SESN1: variants seen among roughly 807,000 people sequenced by gnomAD.
The protein encoded by SESN1 is sestrin-1.
A neutral mutation model predicts 59.3 loss-of-function variants in SESN1; 30 were observed. The ratio of observed to expected loss-of-function variants is 0.51; its 90% CI spans 0.38 to 0.69. The LOEUF is 0.69. Ranked by LOEUF, SESN1 falls within the 30% of genes least tolerant of loss-of-function variation. The probability of loss-of-function intolerance (pLI) is 0.00; values close to 1 mark genes in which losing one functional copy is unlikely to be tolerated. For missense variants in SESN1, 566 were observed against 673.0 expected, an observed-to-expected ratio of 0.84 and a Z score of 1.76; for synonymous variants, 197 against 219.9, an observed-to-expected ratio of 0.90 and a Z score of 0.92.
intron 6 of SESN1, chr6:108,993,160 C>A (rs954472562): frequency 1.7e-5 from 6 of 354,172 alleles, no homozygotes; most frequent in Non-Finnish European, 2.5e-5. Context: ...TTTCTCTCTC[C>A]TCCCATTCCA....
intron 1 of SESN1, among the ~76,000 whole-genome samples, chr6:109,017,987 C>T (rs1461403783): frequency 6.6e-6 from 1 of 152,032 alleles, no homozygotes; most frequent in East Asian, 1.9e-4. Context: ...GGCAACATGG[C>T]GAGAACCCTG....
chr6:109,040,368 G>A (rs1338186200), intron 1 of SESN1, among the ~76,000 whole-genome samples: 1 of 152,160 alleles, frequency 6.6e-6, no homozygotes, highest in African/African-American at 2.4e-5. Flanking sequence ...AATTACTGGG[G>A]TTGAAGAAGG....
At position 108,986,302 on chromosome 6, in the gene SESN1, T is replaced by TTGTA. The variant is rs1415341983; in HGVS notation, c.*1238_*1241dup. On this transcript the variant is annotated 3_prime_UTR_variant, in exon 10 of 10. Coordinates refer to ENST00000436639, the MANE Select transcript of SESN1 (RefSeq NM_014454.3). ...GATTCTAAAGAAAGTCCACTCCTCT[T>TTGTA]TGTATGTTTCAAAATGGCTTCAAGT... 1 of 152,490 alleles carries TTGTA rather than the reference T, an allele frequency of 6.6e-6. No homozygotes were observed. The highest frequency in any genetic ancestry group is 1.5e-5 in the Non-Finnish European group (1 of 68,034). The allele number at this position is 152,490 out of a possible 1,614,324, so 9.4% of individuals were successfully genotyped here.
At chr6:109,085,932 T>C (rs763803671) in intron 1 of SESN1, among the ~76,000 whole-genome samples, 3 of 152,226 alleles carry the variant, frequency 2.0e-5, no homozygotes, top group Non-Finnish European at 2.9e-5. Context: ...ATTTTTCTCA[T>C]GTCTATGGTT....
At chr6:109,004,362 T>C (rs915754075) in intron 1 of SESN1, among the ~76,000 whole-genome samples, 1 of 151,744 alleles carries the variant, frequency 6.6e-6, no homozygotes, top group Non-Finnish European at 1.5e-5. Flanking sequence ...CTAGGAATTA[T>C]ATTTGCCACT....
Position 109,094,127 on chromosome 6 carries a change from A to T in SESN1, c.-54T>A, listed in dbSNP as rs1222378730. ...GTTACCTTTCAGCATGCCCCAAAAA[A>T]ATTGCTTTGTATTTTTAAAATGAAA... On this transcript the variant is annotated 5_prime_UTR_variant, in exon 1 of 10. Coordinates refer to ENST00000436639, the MANE Select transcript of SESN1 (RefSeq NM_014454.3). 1.2e-5 allele frequency: 19 copies of T among 1,525,724 alleles called. No individual in the cohort carries two copies. Among genetic ancestry groups the T allele is most frequent in the Non-Finnish European group, 1.7e-5 (19 of 1,132,342 alleles). 94.5% of individuals were successfully genotyped at this position (1,525,724 alleles called of 1,614,324 possible).
intron 1 of SESN1, among the ~76,000 whole-genome samples, chr6:109,023,047 C>T (rs1166341212): frequency 2.0e-5 from 3 of 152,202 alleles, no homozygotes; most frequent in Admixed American, 6.5e-5. Flanking sequence ...TCACTCCACC[C>T]TCTGTGACCA....
At chr6:109,058,610 A>G (rs1780676376) in intron 1 of SESN1, among the ~76,000 whole-genome samples, 1 of 152,194 alleles carries the variant, frequency 6.6e-6, no homozygotes, top group African/African-American at 2.4e-5. Flanking sequence ...ACATTGTAAC[A>G]CGTAACAGAA....
At chr6:109,017,032 T>A (rs534379686) in intron 1 of SESN1, among the ~76,000 whole-genome samples, 1 of 152,156 alleles carries the variant, frequency 6.6e-6, no homozygotes, top group South Asian at 2.1e-4. Flanking sequence ...ATATATTTTA[T>A]ATTTTATATG....
chr6:108,987,549 T>G lies in SESN1; in HGVS notation c.1651A>C (p.Thr551Pro). The G allele has an allele frequency of 6.4e-7, 1 of 1,569,078 alleles. No individual in the cohort carries two copies. The highest frequency in any genetic ancestry group is 8.8e-7 in the Non-Finnish European group (1 of 1,139,686). The change falls in exon 10 of 10, where the codon ACC becomes CCC. Residue 551 changes from threonine (T) to proline (P), a missense_variant. Transcript: ENST00000436639. ...YALRAITRYM[T>P] ...TCTTTAATGAAGGAAAGGCATCAGG[T>G]CATATAGCGGGTAATGGCTCTCAGA...
chr6:109,027,103 T>C (rs1386704108), intron 1 of SESN1, among the ~76,000 whole-genome samples: 1 of 151,316 alleles, frequency 6.6e-6, no homozygotes, highest in East Asian at 2.0e-4. Flanking sequence ...CTGGGAGGTG[T>C]AGGTTGCAGT....
At chr6:109,005,777 A>G (rs1779719476) in intron 1 of SESN1, among the ~76,000 whole-genome samples, 1 of 152,238 alleles carries the variant, frequency 6.6e-6, no homozygotes, top group South Asian at 2.1e-4. Flanking sequence ...TAATAATACC[A>G]TCAATCCCAA....
chr6:109,040,265 G>A (rs1016336782), intron 1 of SESN1, among the ~76,000 whole-genome samples: 2 of 152,004 alleles, frequency 1.3e-5, no homozygotes, highest in Non-Finnish European at 1.5e-5. Context: ...TCCTTTATAT[G>A]ACATTCCTTT....
At chr6:108,990,106 T>C (rs1332090252) in intron 8 of SESN1, among the ~76,000 whole-genome samples, 1 of 152,216 alleles carries the variant, frequency 6.6e-6, no homozygotes, top group African/African-American at 2.4e-5. Context: ...TCAGAGTTTG[T>C]GTGCATGTGT....
intron 1 of SESN1, among the ~76,000 whole-genome samples, chr6:109,018,516 T>A (rs968799502): frequency 1.3e-5 from 2 of 152,228 alleles, no homozygotes; most frequent in Non-Finnish European, 2.9e-5. Flanking sequence ...CTCAGGCACA[T>A]TTGCTTGGTA....
intron 1 of SESN1, among the ~76,000 whole-genome samples, chr6:109,078,768 C>T (rs1781071245): frequency 1.3e-5 from 2 of 152,052 alleles, no homozygotes; most frequent in Admixed American, 1.3e-4. Context: ...GAATTCTAAC[C>T]TTATCTTTAA....
intron 1 of SESN1, among the ~76,000 whole-genome samples, chr6:109,003,205 C>T (rs557747144): frequency 1.3e-5 from 2 of 151,768 alleles, no homozygotes; most frequent in South Asian, 4.2e-4. Flanking sequence ...TATCTAGTGT[C>T]ATTTAAAAAT....
chr6:109,059,978 A>G (rs900465157), intron 1 of SESN1, among the ~76,000 whole-genome samples: 3 of 152,138 alleles, frequency 2.0e-5, no homozygotes, highest in Non-Finnish European at 4.4e-5. Flanking sequence ...TTGCTACACC[A>G]TGGTATTCTT....
At chr6:109,003,862 T>G (rs1779675764) in intron 1 of SESN1, among the ~76,000 whole-genome samples, 1 of 152,228 alleles carries the variant, frequency 6.6e-6, no homozygotes, top group Admixed American at 6.5e-5. Context: ...AAACAATACC[T>G]ATTGGACAAA....
Sources: gnomAD v4.1 joint callset for allele counts (sites outside exome capture counted in the v4.1 genomes callset) on GRCh38, gnomAD v4.1.1 for gene constraint, MANE v1.5 for transcripts, NCBI Gene and HGNC (gene_info 2026-07-23, HGNC 2026-07-21) for gene names.